CFAP299: variants seen among roughly 807,000 people sequenced by gnomAD.
The protein encoded by CFAP299 is cilia- and flagella-associated protein 299.
Under a neutral mutation model 27.0 loss-of-function variants are expected in CFAP299, and 21 were observed. The ratio of observed to expected loss-of-function variants is 0.78; its 90% CI spans 0.55 to 1.12. The LOEUF is 1.12. CFAP299 is among the 50% of genes most tolerant of loss of function. The pLI is 0.00. For missense variants in CFAP299, 310 were observed against 276.6 expected (o/e 1.12, Z -0.86); for synonymous variants, 104 against 98.1 (o/e 1.06, Z -0.36).
At chr4:80,401,687 C>G (rs1398238497) in intron 2 of CFAP299, among the ~76,000 whole-genome samples, 1 of 152,170 alleles carries the variant, frequency 6.6e-6, no homozygotes. Flanking sequence ...GGGGTCAGAG[C>G]CCTCCCCAAG....
intron 2 of CFAP299, among the ~76,000 whole-genome samples, chr4:80,571,706 C>T (rs1415465582): frequency 6.6e-6 from 1 of 151,774 alleles, no homozygotes; most frequent in Non-Finnish European, 1.5e-5. Context: ...GTTGGGCCCT[C>T]ATGATGGGAT....
intron 2 of CFAP299, among the ~76,000 whole-genome samples, chr4:80,378,241 A>C (rs1479318081): frequency 6.6e-6 from 1 of 152,192 alleles, no homozygotes; most frequent in African/African-American, 2.4e-5. Flanking sequence ...GATTATTGAT[A>C]GTATATAGAA....
chr4:80,587,461 TCTCAA>T (rs1477348585), intron 3 of CFAP299, among the ~76,000 whole-genome samples: 2 of 152,170 alleles, frequency 1.3e-5, no homozygotes, highest in Non-Finnish European at 2.9e-5. Context: ...AAGACACATT[TCTCAA>T]CTCAACACAG....
At chr4:80,764,757 T>C (rs561370445) in intron 3 of CFAP299, among the ~76,000 whole-genome samples, 2 of 152,286 alleles carry the variant, frequency 1.3e-5, no homozygotes, top group Non-Finnish European at 2.9e-5. Context: ...TGGAATACTA[T>C]GCAGCCATAA....
chr4:80,378,651 C>A (rs1252510054), intron 2 of CFAP299, among the ~76,000 whole-genome samples: 2 of 152,034 alleles, frequency 1.3e-5, no homozygotes, highest in East Asian at 3.9e-4. Context: ...TGATATTTTT[C>A]TGTTGATTGA....
At chr4:80,507,955 T>A (rs971817200) in intron 2 of CFAP299, among the ~76,000 whole-genome samples, 2 of 152,216 alleles carry the variant, frequency 1.3e-5, no homozygotes, top group Admixed American at 1.3e-4. Context: ...AAAATAACTT[T>A]AATTATACTA....
intron 2 of CFAP299, among the ~76,000 whole-genome samples, chr4:80,516,077 G>T (rs966729703): frequency 1.4e-4 from 21 of 145,496 alleles, no homozygotes; most frequent in Admixed American, 1.2e-3. Flanking sequence ...ATGGAGTGCA[G>T]TGGCGTGATC....
At chr4:80,911,641 C>T (rs1735478554) in intron 4 of CFAP299, among the ~76,000 whole-genome samples, 1 of 152,020 alleles carries the variant, frequency 6.6e-6, no homozygotes, top group African/African-American at 2.4e-5. Context: ...TAGTCAATAC[C>T]ATAAATCTCA....
chr4:80,890,153 A>G (rs1217038290), intron 4 of CFAP299, among the ~76,000 whole-genome samples: 1 of 152,170 alleles, frequency 6.6e-6, no homozygotes, highest in Admixed American at 6.6e-5. Flanking sequence ...AGGAAGAAAT[A>G]GAGGGCATCC....
chr4:80,556,630 C>A (rs1118341), intron 2 of CFAP299, among the ~76,000 whole-genome samples: 10,604 of 151,822 alleles, frequency 0.07, 442 homozygotes, highest in Non-Finnish European at 0.085. Context: ...ACTTAATATC[C>A]AAAAAGTTTA....
chr4:80,824,948 A>G (rs1729903752), intron 3 of CFAP299, among the ~76,000 whole-genome samples: 1 of 152,076 alleles, frequency 6.6e-6, no homozygotes, highest in Non-Finnish European at 1.5e-5. Flanking sequence ...TGTCAGACCT[A>G]CTAGACAAAG....
chr4:80,496,913 G>T (rs546619003), intron 2 of CFAP299, among the ~76,000 whole-genome samples: 1 of 152,218 alleles, frequency 6.6e-6, no homozygotes, highest in African/African-American at 2.4e-5. Context: ...AGAGATGGAG[G>T]TAGGTGCCAC....
chr4:80,335,569 C>A (rs976798052), upstream of CFAP299, among the ~76,000 whole-genome samples: 22 of 152,178 alleles, frequency 1.4e-4, no homozygotes, highest in African/African-American at 5.3e-4. Flanking sequence ...GGTATCCGAC[C>A]TGAACTTGGG....
chr4:80,856,283 A>C (rs1247878729), intron 3 of CFAP299, among the ~76,000 whole-genome samples: 1 of 145,206 alleles, frequency 6.9e-6, no homozygotes, highest in African/African-American at 2.7e-5. Context: ...GTTTGAGTTC[A>C]GTGTAGATTC....
chr4:80,361,292 A>G (rs565714839), intron 1 of CFAP299, among the ~76,000 whole-genome samples: 5 of 152,348 alleles, frequency 3.3e-5, no homozygotes, highest in African/African-American at 1.2e-4. Flanking sequence ...TAAATATAGC[A>G]AATTGTAAGT....
At chr4:80,830,838 C>A (rs1323755803) in intron 3 of CFAP299, among the ~76,000 whole-genome samples, 1 of 152,042 alleles carries the variant, frequency 6.6e-6, no homozygotes, top group Non-Finnish European at 1.5e-5. Context: ...AAAATGATGA[C>A]TACCTGTGAG....
chr4:80,688,426 GCACACTGACA>G (rs1433560328), intron 3 of CFAP299, among the ~76,000 whole-genome samples: 1 of 152,142 alleles, frequency 6.6e-6, no homozygotes, highest in East Asian at 1.9e-4. Context: ...CCCAGCAGGG[GCACACTGACA>G]CCTCACACAG....
At chr4:80,396,652 T>A (rs1411349401) in intron 2 of CFAP299, among the ~76,000 whole-genome samples, 2 of 152,174 alleles carry the variant, frequency 1.3e-5, no homozygotes, top group African/African-American at 4.8e-5. Flanking sequence ...GGTTTTTGTC[T>A]TTGGTTCTGT....
chr4:80,801,295 G>T (rs911470617), intron 3 of CFAP299, among the ~76,000 whole-genome samples: 2 of 151,726 alleles, frequency 1.3e-5, no homozygotes, highest in Non-Finnish European at 2.9e-5. Flanking sequence ...CCTGCAAGGG[G>T]TTATCCACAT....
Sources: gnomAD v4.1 joint callset for allele counts (sites outside exome capture counted in the v4.1 genomes callset) on GRCh38, gnomAD v4.1.1 for gene constraint, MANE v1.5 for transcripts, NCBI Gene and HGNC (gene_info 2026-07-23, HGNC 2026-07-21) for gene names.